AGAP1: variants seen among roughly 807,000 people sequenced by gnomAD.
AGAP1 encodes the protein ArfGAP with GTPase domain, ankyrin repeat and PH domain 1, also known as arf-GAP with GTPase, ANK repeat and PH domain-containing protein 1.
A neutral mutation model predicts 105.3 loss-of-function variants in AGAP1; 29 were observed. The ratio of observed to expected loss-of-function variants is 0.28; its 90% confidence interval spans 0.21 to 0.38. The LOEUF is 0.38. Among genes scored for constraint, AGAP1 ranks in the 10% least tolerant of loss-of-function variants. The probability of loss-of-function intolerance (pLI) is 1.00; values close to 1 mark genes in which losing one functional copy is unlikely to be tolerated. For missense variants in AGAP1, 998 were observed against 1,165.1 expected, an observed-to-expected ratio of 0.86 and a Z score of 2.09; for synonymous variants, 509 against 485.9, an observed-to-expected ratio of 1.05 and a Z score of -0.63.
rs1327466024 is a variant in AGAP1, at chr2:236,124,498, C to G, written c.*376C>G. 1 of 291,564 alleles carries G rather than the reference C, an allele frequency of 3.4e-6. No individual in the cohort carries two copies. The highest frequency in any genetic ancestry group is 8.4e-5 in the East Asian group (1 of 11,938). 18.1% of individuals were successfully genotyped at this position (291,564 alleles called of 1,614,324 possible). A position where few individuals can be genotyped will look rare whatever the true frequency, so the allele number is the denominator to read the frequency against. On this transcript the variant is annotated 3_prime_UTR_variant, in exon 18 of 18. Coordinates refer to ENST00000304032, the MANE Select transcript of AGAP1 (RefSeq NM_001037131.3). The surrounding 1 kb of genome is among the most constrained non-coding windows in gnomAD (Gnocchi z 5.1). ...AAGGAGAAGGGGCAACTTTCCTTAA[C>G]TGGCAGTTGAGCACATAGTACATTT...
At position 235,494,404 on chromosome 2, in the gene AGAP1, G is replaced by T. The variant is rs1449101080; in HGVS notation, c.-283G>T. 6.9e-6 allele frequency: 1 copy of T among 144,090 alleles called. No individual in the cohort carries two copies. The highest frequency in any genetic ancestry group is 6.8e-5 in the Admixed American group (1 of 14,662). The allele number at this position is 144,090 out of a possible 1,614,324, so 8.9% of individuals were successfully genotyped here. A position where few individuals can be genotyped will look rare whatever the true frequency, so the allele number is the denominator to read the frequency against. ...GCCTCCTTCGGGGCCGGCCGCACCC[G>T]CCGCGGCGCGCTCCATGGGGGCGCG... On this transcript the variant is annotated 5_prime_UTR_variant, in exon 1 of 18. Coordinates refer to ENST00000304032, the MANE Select transcript of AGAP1 (RefSeq NM_001037131.3).
Position 236,049,324 on chromosome 2 carries a change from AC to A in AGAP1, c.2114+44del, listed in dbSNP as rs768704939. ...TGCCTGGCTCCCGACACGTTTGCCA[AC>A]AGTTAGGCAACTGGAAGTGATCATA... On this transcript the variant is annotated intron_variant, in intron 16 of 17. Coordinates refer to ENST00000304032, the MANE Select transcript of AGAP1 (RefSeq NM_001037131.3). 3.8e-6 allele frequency: 6 copies of A among 1,567,702 alleles called. 1 individual carries two copies. In the South Asian group the frequency reaches 6.8e-5, roughly 18 times the overall value.
At chr2:235,933,536 A>ATTTTTT (rs71036300) in intron 12 of AGAP1, among the ~76,000 whole-genome samples, 10 of 141,982 alleles carry the variant, frequency 7.0e-5, no homozygotes, top group African/African-American at 2.4e-4. Context: ...TTTTCTAAGG[A>ATTTTTT]TTTTTTTTTT....
chr2:236,097,573 A>G (rs1281842760), intron 16 of AGAP1, among the ~76,000 whole-genome samples: 2 of 151,652 alleles, frequency 1.3e-5, no homozygotes, highest in Non-Finnish European at 1.5e-5. Flanking sequence ...TTTGTATTTT[A>G]GTAGAGATGG....
intron 1 of AGAP1, among the ~76,000 whole-genome samples, chr2:235,546,253 A>T (rs1436077155): frequency 6.6e-6 from 1 of 152,172 alleles, no homozygotes; most frequent in African/African-American, 2.4e-5. Context: ...CCCATGTCTG[A>T]GTGTCCAGCA....
intron 1 of AGAP1, among the ~76,000 whole-genome samples, chr2:235,668,586 GAA>G (rs1948208781): frequency 6.6e-6 from 1 of 152,194 alleles, no homozygotes; most frequent in East Asian, 1.9e-4. Flanking sequence ...TTTCATCAAG[GAA>G]ACTCTGAAAC....
intron 16 of AGAP1, among the ~76,000 whole-genome samples, chr2:236,099,703 C>T (rs2059298328): frequency 6.6e-6 from 1 of 152,064 alleles, no homozygotes; most frequent in Non-Finnish European, 1.5e-5. Context: ...CAGCTGGGCT[C>T]TCCAGGATCA....
At chr2:235,632,905 C>G (rs1239990238) in intron 1 of AGAP1, among the ~76,000 whole-genome samples, 1 of 152,128 alleles carries the variant, frequency 6.6e-6, no homozygotes, top group African/African-American at 2.4e-5. Context: ...GAAGAAGGTT[C>G]AGGTGCTTTG....
intron 12 of AGAP1, among the ~76,000 whole-genome samples, chr2:235,956,766 C>T (rs893887033): frequency 6.6e-6 from 1 of 152,110 alleles, no homozygotes; most frequent in South Asian, 2.1e-4. Flanking sequence ...AGAGCCAGAT[C>T]CTGGTAGGTG....
chr2:235,803,240 A>G (rs926952556), intron 8 of AGAP1, among the ~76,000 whole-genome samples: 7 of 151,794 alleles, frequency 4.6e-5, no homozygotes, highest in African/African-American at 1.5e-4. Context: ...TGTAGTCTTA[A>G]GTTGAAGTTC....
intron 16 of AGAP1, among the ~76,000 whole-genome samples, chr2:236,057,115 G>T (rs545677125): frequency 1.3e-5 from 2 of 152,182 alleles, no homozygotes; most frequent in South Asian, 4.2e-4. Flanking sequence ...TCATTTAGCT[G>T]ACCTGACTTT....
intron 1 of AGAP1, among the ~76,000 whole-genome samples, chr2:235,516,992 G>A (rs1028337058): frequency 5.9e-5 from 9 of 152,222 alleles, no homozygotes; most frequent in Non-Finnish European, 1.2e-4. Context: ...CGGGTGCCAC[G>A]TGGCTCTGGA....
At chr2:235,978,036 G>GCA (rs143712869) in intron 13 of AGAP1, among the ~76,000 whole-genome samples, 24 of 151,928 alleles carry the variant, frequency 1.6e-4, no homozygotes, top group African/African-American at 5.8e-4. Flanking sequence ...TCTGTGGTGT[G>GCA]CACACACACA....
At chr2:235,928,175 A>C (rs116385633) in intron 11 of AGAP1, among the ~76,000 whole-genome samples, 1 of 152,152 alleles carries the variant, frequency 6.6e-6, no homozygotes, top group Non-Finnish European at 1.5e-5. Context: ...TTCGCCCACC[A>C]TAACAGTGTC....
At chr2:236,029,665 T>G (rs1466128167) in intron 13 of AGAP1, among the ~76,000 whole-genome samples, 1 of 152,044 alleles carries the variant, frequency 6.6e-6, no homozygotes, top group African/African-American at 2.4e-5. Context: ...CAGAAAAATA[T>G]ATTTTGTTCT....
chr2:236,065,496 C>T (rs1368161582), intron 16 of AGAP1, among the ~76,000 whole-genome samples: 2 of 152,220 alleles, frequency 1.3e-5, no homozygotes, highest in African/African-American at 2.4e-5. Context: ...TGACATGTTG[C>T]TAACACTCCA....
At chr2:235,817,296 G>A (rs188166335) in intron 9 of AGAP1, among the ~76,000 whole-genome samples, 2 of 152,072 alleles carry the variant, frequency 1.3e-5, no homozygotes, top group Admixed American at 1.3e-4. Flanking sequence ...GGTTCTGCTT[G>A]TTGCCTACTC....
intron 1 of AGAP1, among the ~76,000 whole-genome samples, chr2:235,511,970 TTGTGAGTGTGTGAATGCGTGTGTGAATGC>T (rs1942149619): frequency 6.9e-6 from 1 of 145,276 alleles, no homozygotes; most frequent in African/African-American, 2.7e-5. Context: ...GTAAAGGTGA[TTGTGAGTGTGTGAATGCGTGTGTGAATGC>T]GTGTGTGACT....
chr2:235,949,335 A>G (rs2053633685), intron 12 of AGAP1, among the ~76,000 whole-genome samples: 1 of 152,134 alleles, frequency 6.6e-6, no homozygotes, highest in Admixed American at 6.5e-5. Context: ...TTTCCATGAT[A>G]ATTTTTTTTC....
Sources: gnomAD v4.1 joint callset for allele counts (sites outside exome capture counted in the v4.1 genomes callset) on GRCh38, gnomAD v4.1.1 for gene constraint, Gnocchi (gnomAD v3.1) non-coding constraint, MANE v1.5 for transcripts, NCBI Gene and HGNC (gene_info 2026-07-23, HGNC 2026-07-21) for gene names.